The following ZFHX3 variants were observed in gnomAD, a reference collection of about 807,000 sequenced individuals.
ZFHX3 encodes zinc finger homeobox 3, also known as zinc finger homeobox protein 3.
ZFHX3 carries 42 observed loss-of-function variants against 279.1 expected under a neutral mutation model. The observed-to-expected ratio is 0.15, with a 90% CI of 0.12 to 0.19. The LOEUF is 0.19. Among genes scored for constraint, ZFHX3 ranks in the 10% least tolerant of loss-of-function variants. The pLI, the probability that ZFHX3 is intolerant of heterozygous loss-of-function variation, is 1.00. For missense variants in ZFHX3, 4,981 were observed against 4,754.0 expected (o/e 1.05, Z -1.40); for synonymous variants, 2,293 against 1,957.8 (o/e 1.17, Z -4.52).
chr16:73,257,934 T>G (rs1040179675), intron 4 of ZFHX3, among the ~76,000 whole-genome samples: 4 of 152,310 alleles, frequency 2.6e-5, no homozygotes, highest in East Asian at 1.9e-4. Flanking sequence ...AAATATTTTT[T>G]GGGTGTGTGG....
chr16:73,364,175 CA>C (rs11301710), intron 3 of ZFHX3, among the ~76,000 whole-genome samples: 110,908 of 142,290 alleles, frequency 0.78, 43,933 homozygotes, highest in Non-Finnish European at 0.9. Flanking sequence ...GACCCTGTTT[CA>C]AAAAAAAAAA....
rs1567565723 is a variant in ZFHX3, at chr16:73,735,899, T to TG, written c.-1607-55660_-1607-55659insC. Among the ~76,000 whole-genome samples the TG allele has an allele frequency of 5.4e-4, 6 of 11,078 alleles. No homozygotes were observed. The East Asian group carries it at 0.028, about 51-fold the overall frequency. 7.3% of individuals were successfully genotyped at this position (11,078 alleles called of 152,430 possible). Reference sequence around the variant, plus strand: ...GAAGCACCAGCCATTCCGTTTTTTTTTTTTTTTTTTTTTTTTTAATGCTCT... The same window carrying TG: ...GAAGCACCAGCCATTCCGTTTTTTTTGTTTTTTTTTTTTTTTTTAATGCTCT... On this transcript the variant is annotated intron_variant, in intron 1 of 17. Coordinates refer to the ZFHX3 transcript ENST00000641206.
rs1039261894 is a variant in ZFHX3 at position 72,902,377 on chromosome 16, G to A, written c.3217-12415C>T. On this transcript the variant is annotated intron_variant, in intron 3 of 9. Transcript: ENST00000268489. The stretch of plus-strand genomic sequence containing the variant: ...ATAGCCCGGACCAGCTTAATGAGGT[G>A]GGGCTGAGGCCCAGAGGGAGGTAAC... 8.5e-5 allele frequency among the ~76,000 whole-genome samples: 13 copies of A among 152,324 alleles called. 1 individual carries two copies. In the East Asian group the frequency reaches 2.5e-3, roughly 29 times the overall value.
chr16:73,612,019 C>T (rs1567532923), intron 2 of ZFHX3, among the ~76,000 whole-genome samples: 1 of 152,114 alleles, frequency 6.6e-6, no homozygotes, highest in African/African-American at 2.4e-5. Flanking sequence ...AGCAACTGTA[C>T]ATAACATGTT....
intron 1 of ZFHX3, among the ~76,000 whole-genome samples, chr16:73,032,476 AT>A (rs1158090391): frequency 6.6e-6 from 1 of 152,120 alleles, no homozygotes; most frequent in Non-Finnish European, 1.5e-5. Context: ...GTGCTAAAGG[AT>A]TTCTCAACGC....
At chr16:73,498,103 G>C (rs1265157594) in intron 2 of ZFHX3, among the ~76,000 whole-genome samples, 2 of 152,224 alleles carry the variant, frequency 1.3e-5, no homozygotes, top group African/African-American at 4.8e-5. Flanking sequence ...TGAGTTGTGA[G>C]TTCCTTTCTT....
chr16:73,767,728 G>T (rs2053966834), intron 1 of ZFHX3, among the ~76,000 whole-genome samples: 1 of 152,052 alleles, frequency 6.6e-6, no homozygotes, highest in African/African-American at 2.4e-5. Flanking sequence ...AGAGGTACTG[G>T]GTCTCAGTTC....
chr16:73,132,481 G>A (rs761368034), intron 6 of ZFHX3, among the ~76,000 whole-genome samples: 17 of 152,146 alleles, frequency 1.1e-4, no homozygotes, highest in Non-Finnish European at 2.2e-4. Context: ...GGAACACGCC[G>A]TAATCAGCTC....
chr16:73,366,376 T>C (rs1267380066), intron 3 of ZFHX3, among the ~76,000 whole-genome samples: 1 of 152,070 alleles, frequency 6.6e-6, no homozygotes, highest in East Asian at 1.9e-4. Context: ...GGGGGAAAAC[T>C]ATAGAAAATA....
At chr16:73,542,938 C>T (rs899204375) in intron 2 of ZFHX3, among the ~76,000 whole-genome samples, 7 of 152,120 alleles carry the variant, frequency 4.6e-5, no homozygotes, top group Non-Finnish European at 1.0e-4. Context: ...GTATTCCTAA[C>T]CCCTGGCTCC....
chr16:73,704,308 G>A (rs1283205702), intron 1 of ZFHX3, among the ~76,000 whole-genome samples: 2 of 152,138 alleles, frequency 1.3e-5, no homozygotes, highest in Non-Finnish European at 2.9e-5. Flanking sequence ...CCTGAAGAAC[G>A]AACCATCATT....
chr16:73,222,601 C>T (rs907306698), intron 5 of ZFHX3, among the ~76,000 whole-genome samples: 8 of 152,022 alleles, frequency 5.3e-5, no homozygotes, highest in Non-Finnish European at 1.0e-4. Context: ...ATTTCATGTT[C>T]ATGGATACAA....
intron 1 of ZFHX3, among the ~76,000 whole-genome samples, chr16:73,009,566 A>G (rs1300420677): frequency 6.6e-6 from 1 of 152,224 alleles, no homozygotes; most frequent in African/African-American, 2.4e-5. Flanking sequence ...ATTACTTAAA[A>G]TCTATAACGT....
chr16:73,588,715 A>AAAAAAC (rs2051955046), intron 2 of ZFHX3, among the ~76,000 whole-genome samples: 1 of 151,474 alleles, frequency 6.6e-6, no homozygotes, highest in African/African-American at 2.4e-5. Flanking sequence ...AACAAAAAAA[A>AAAAAAC]AAAAAACAAG....
chr16:73,595,615 T>C (rs530960628), intron 2 of ZFHX3, among the ~76,000 whole-genome samples: 46 of 152,222 alleles, frequency 3.0e-4, no homozygotes, highest in Admixed American at 1.8e-3. Context: ...ATGGTATCAA[T>C]TACCATAGAT....
At chr16:73,528,336 T>C (rs926608867) in intron 2 of ZFHX3, among the ~76,000 whole-genome samples, 10 of 152,378 alleles carry the variant, frequency 6.6e-5, no homozygotes, top group Admixed American at 2.0e-4. Context: ...ATAGCAGTAC[T>C]AGCCAACAAA....
At chr16:73,721,331 G>T (rs560326940) in intron 1 of ZFHX3, among the ~76,000 whole-genome samples, 2 of 151,778 alleles carry the variant, frequency 1.3e-5, no homozygotes, top group African/African-American at 4.8e-5. Flanking sequence ...CATGTTGGCC[G>T]GGCTGGTCTC....
intron 3 of ZFHX3, among the ~76,000 whole-genome samples, chr16:72,947,626 C>T (rs535503138): frequency 6.6e-6 from 1 of 152,236 alleles, no homozygotes; most frequent in African/African-American, 2.4e-5. Flanking sequence ...TACATCACTG[C>T]CACTTCACTA....
At chr16:73,283,447 T>C (rs985909697) in intron 4 of ZFHX3, among the ~76,000 whole-genome samples, 10 of 152,208 alleles carry the variant, frequency 6.6e-5, no homozygotes, top group African/African-American at 1.9e-4. Context: ...GTTGTCTGTA[T>C]ATAAGAACGT....
Sources: gnomAD v4.1 joint callset for allele counts (sites outside exome capture counted in the v4.1 genomes callset) on GRCh38, gnomAD v4.1.1 for gene constraint, MANE v1.5 for transcripts, NCBI Gene and HGNC (gene_info 2026-07-23, HGNC 2026-07-21) for gene names.